RANBP9: variants seen among roughly 807,000 people sequenced by gnomAD.
RANBP9 encodes RAN binding protein 9.
A neutral mutation model predicts 84.3 loss-of-function variants in RANBP9; 15 were observed. The observed-to-expected ratio is 0.18, with a 90% CI of 0.12 to 0.27. The LOEUF (loss-of-function observed/expected upper bound fraction) is 0.27. Ranked by LOEUF, RANBP9 falls within the 10% of genes least tolerant of loss-of-function variation. The probability of loss-of-function intolerance (pLI) is 1.00; values close to 1 mark genes in which losing one functional copy is unlikely to be tolerated. For missense variants in RANBP9, 809 were observed against 912.8 expected (o/e 0.89, Z 1.46); for synonymous variants, 392 against 349.6 (o/e 1.12, Z -1.35).
intron 2 of RANBP9, among the ~76,000 whole-genome samples, chr6:13,670,553 T>A (rs1765752332): frequency 6.6e-6 from 1 of 151,910 alleles, no homozygotes; most frequent in African/African-American, 2.4e-5. Context: ...TCCCAGCACT[T>A]TGGGAGGCTG....
At chr6:13,680,840 TCACA>T (rs1258278708) in intron 2 of RANBP9, among the ~76,000 whole-genome samples, 2 of 151,522 alleles carry the variant, frequency 1.3e-5, no homozygotes, top group Admixed American at 1.3e-4. Flanking sequence ...AGTATAATGG[TCACA>T]AGCAAATAGT....
chr6:13,637,018 T>G (rs1764954326), intron 10 of RANBP9, among the ~76,000 whole-genome samples: 1 of 152,186 alleles, frequency 6.6e-6, no homozygotes, highest in Non-Finnish European at 1.5e-5. Flanking sequence ...ACCAAACCAA[T>G]ATTAAATTGA....
intron 2 of RANBP9, among the ~76,000 whole-genome samples, chr6:13,680,255 T>A (rs1268758251): frequency 2.6e-5 from 4 of 152,016 alleles, no homozygotes; most frequent in Admixed American, 6.6e-5. Context: ...CTGAAAACCA[T>A]CATACGAAAA....
intron 6 of RANBP9, among the ~76,000 whole-genome samples, chr6:13,643,269 C>T (rs1765106734): frequency 6.6e-6 from 1 of 152,174 alleles, no homozygotes; most frequent in South Asian, 2.1e-4. Flanking sequence ...CTTTTAAAAA[C>T]GTACCAGGTA....
intron 5 of RANBP9, among the ~76,000 whole-genome samples, chr6:13,645,261 T>C (rs1401806839): frequency 6.6e-6 from 1 of 151,892 alleles, no homozygotes; most frequent in African/African-American, 2.4e-5. Flanking sequence ...GATAAGACCA[T>C]AACTATAAGC....
At chr6:13,690,787 C>T (rs901329909) in intron 2 of RANBP9, among the ~76,000 whole-genome samples, 1 of 152,130 alleles carries the variant, frequency 6.6e-6, no homozygotes, top group Non-Finnish European at 1.5e-5. Context: ...AAGATACAGA[C>T]TCCTTAAAGA....
chr6:13,676,698 A>C (rs755201418), intron 2 of RANBP9, among the ~76,000 whole-genome samples: 6 of 152,120 alleles, frequency 3.9e-5, no homozygotes, highest in Non-Finnish European at 7.4e-5. Flanking sequence ...CAGGTATGCA[A>C]GGCTGGCTCA....
chr6:13,629,176 T>C (rs1426849251), intron 12 of RANBP9, among the ~76,000 whole-genome samples: 3 of 152,172 alleles, frequency 2.0e-5, no homozygotes, highest in Admixed American at 6.5e-5. Flanking sequence ...AGTGGTGCAA[T>C]CACAGCTCAC....
At chr6:13,682,539 G>T (rs1293241701) in intron 2 of RANBP9, among the ~76,000 whole-genome samples, 4 of 151,406 alleles carry the variant, frequency 2.6e-5, no homozygotes, top group Non-Finnish European at 5.9e-5. Flanking sequence ...TGCAACCTCC[G>T]CCTCCTGGGT....
chr6:13,680,654 G>A (rs1247319582), intron 2 of RANBP9, among the ~76,000 whole-genome samples: 2 of 152,018 alleles, frequency 1.3e-5, no homozygotes, highest in African/African-American at 4.8e-5. Context: ...TACTCAGGAG[G>A]CTGAGGCGGG....
chr6:13,656,730 T>TC, intron 4 of RANBP9, among the ~76,000 whole-genome samples: 1 of 152,128 alleles, frequency 6.6e-6, no homozygotes, highest in Non-Finnish European at 1.5e-5. Context: ...TTGTTACTAT[T>TC]CCCCACACTA....
chr6:13,647,514 TA>T (rs1765197608), intron 5 of RANBP9, among the ~76,000 whole-genome samples: 2 of 152,176 alleles, frequency 1.3e-5, no homozygotes, highest in African/African-American at 4.8e-5. Context: ...CTATACACAC[TA>T]AAGCAAGGTA....
Position 13,668,572 on chromosome 6 carries a change from AAATC to A in RANBP9, c.684-9744_684-9741del, listed in dbSNP as rs769793159. 6.6e-5 allele frequency among the ~76,000 whole-genome samples: 10 copies of A among 152,274 alleles called. No individual in the cohort carries two copies. In the East Asian group the frequency reaches 9.6e-4, roughly 15 times the overall value. ...AACATGAAGTTCGTTTAACAAACAA[AAATC>A]AATCAATGTAATATATTAAGAAAAT... On this transcript the variant is annotated intron_variant, in intron 2 of 13. Transcript: ENST00000011619.
rs375878857 is a variant in RANBP9, at chr6:13,637,889, TTATTAC to T, written c.1586_1591del (p.Ser529_Asn530del). ...TACATTCAAGTTGGATGACTGGTGT[TTATTAC>T]TATGGCAATATGATTGATGTGCTTT... is the stretch of plus-strand genomic sequence containing the variant. On this transcript the variant is annotated inframe_deletion, in exon 10 of 14. Transcript: ENST00000011619. 2.4e-4 allele frequency: 382 copies of T among 1,608,968 alleles called. No individual in the cohort carries two copies. The African/African-American group carries it at 4.8e-3, about 20-fold the overall frequency.
Position 13,622,065 on chromosome 6 carries a change from T to G in RANBP9, c.*297A>C. 2.2e-4 allele frequency: 37 copies of G among 166,356 alleles called. No homozygotes were observed. The highest frequency in any genetic ancestry group is 3.8e-4 in the Non-Finnish European group (30 of 78,156). 10.3% of individuals were successfully genotyped at this position (166,356 alleles called of 1,614,324 possible). ...CCCCTCCCCCACAAAGAAGGCAGGA[T>G]TTTTGGTTTCTTTTAGGTAATTGTT... On this transcript the variant is annotated 3_prime_UTR_variant, in exon 14 of 14. Transcript: ENST00000011619.
At chr6:13,674,914 A>G (rs1222314544) in intron 2 of RANBP9, among the ~76,000 whole-genome samples, 1 of 151,200 alleles carries the variant, frequency 6.6e-6, no homozygotes, top group African/African-American at 2.5e-5. Flanking sequence ...GGTCTCAAGT[A>G]GTAACAGTAA....
intron 2 of RANBP9, among the ~76,000 whole-genome samples, chr6:13,663,421 A>C (rs1356946778): frequency 6.6e-6 from 1 of 152,200 alleles, no homozygotes; most frequent in African/African-American, 2.4e-5. Flanking sequence ...ACTTAAAAAA[A>C]TGCTCTTAAT....
chr6:13,698,445 C>T (rs1757893460), intron 1 of RANBP9, among the ~76,000 whole-genome samples: 1 of 152,074 alleles, frequency 6.6e-6, no homozygotes. Flanking sequence ...ATTTTTCAGT[C>T]AAAATATGTT....
chr6:13,677,909 A>G (rs146360720), intron 2 of RANBP9, among the ~76,000 whole-genome samples: 18 of 152,136 alleles, frequency 1.2e-4, no homozygotes, highest in African/African-American at 4.3e-4. Context: ...CTTGAACCCA[A>G]CAGTTTGAAA....
Sources: gnomAD v4.1 joint callset for allele counts (sites outside exome capture counted in the v4.1 genomes callset) on GRCh38, gnomAD v4.1.1 for gene constraint, MANE v1.5 for transcripts, NCBI Gene and HGNC (gene_info 2026-07-23, HGNC 2026-07-21) for gene names.